Variants in ABCC9 observed in about 807,000 individuals in gnomAD.
ABCC9 encodes the protein ATP-binding cassette sub-family C member 9.
Under a neutral mutation model 188.3 loss-of-function variants are expected in ABCC9, and 95 were observed. The ratio of observed to expected loss-of-function variants is 0.50; its 90% confidence interval spans 0.43 to 0.60. The LOEUF (loss-of-function observed/expected upper bound fraction) is 0.60. Among genes scored for constraint, ABCC9 ranks in the 20% least tolerant of loss-of-function variants. The pLI, the probability that ABCC9 is intolerant of heterozygous loss-of-function variation, is 0.00. For synonymous variants in ABCC9, 659 were observed against 652.7 expected (o/e 1.01, Z -0.15); for missense variants, 1,102 against 1,876.3 (o/e 0.59, Z 7.62).
intron 29 of ABCC9, among the ~76,000 whole-genome samples, chr12:21,839,330 G>A (rs1309827043): frequency 6.6e-6 from 1 of 152,174 alleles, no homozygotes; most frequent in African/African-American, 2.4e-5. Flanking sequence ...GACTTGAAAA[G>A]TGACAGTGCT....
At chr12:21,846,531 A>G (rs533591686) in intron 25 of ABCC9, among the ~76,000 whole-genome samples, 1 of 152,284 alleles carries the variant, frequency 6.6e-6, no homozygotes, top group African/African-American at 2.4e-5. Context: ...TTCATACTAT[A>G]CTATATACAT....
intron 2 of ABCC9, among the ~76,000 whole-genome samples, chr12:21,937,860 C>G (rs1006011077): frequency 6.6e-6 from 1 of 152,148 alleles, no homozygotes; most frequent in African/African-American, 2.4e-5. Context: ...TACACAACCT[C>G]CAACCTGCTT....
At chr12:21,915,112 G>C (rs1328634563) in intron 7 of ABCC9, among the ~76,000 whole-genome samples, 3 of 151,218 alleles carry the variant, frequency 2.0e-5, no homozygotes, top group Non-Finnish European at 4.4e-5. Flanking sequence ...TGTTGGTCAG[G>C]CTGGTCTCAA....
At position 21,848,173 on chromosome 12, in the gene ABCC9, G is replaced by C; in HGVS notation, c.2843C>G (p.Ala948Gly). The change falls in exon 25 of 40, where the codon GCC becomes GGC. Residue 948 changes from alanine to glycine, a missense_variant. Transcript: ENST00000261200. ...ACCTTCGTCTTCGTCCTCCATCTGG[G>C]CTTTGGCTTCTCTTGAATACATGGC... ...RRAMYSREAK[A>G]QMEDEDEEEE... 1 of 1,613,530 alleles carries C rather than the reference G, an allele frequency of 6.2e-7. No individual in the cohort carries two copies. The highest frequency in any genetic ancestry group is 8.5e-7 in the Non-Finnish European group (1 of 1,179,606).
chr12:21,816,461 G>A (rs1942654081), intron 33 of ABCC9, among the ~76,000 whole-genome samples: 1 of 152,106 alleles, frequency 6.6e-6, no homozygotes, highest in African/African-American at 2.4e-5. Flanking sequence ...AACCTTGGAG[G>A]TCCAGGAGGG....
chr12:21,853,447 T>A (rs1945069747), intron 22 of ABCC9, among the ~76,000 whole-genome samples: 1 of 151,984 alleles, frequency 6.6e-6, no homozygotes, highest in Non-Finnish European at 1.5e-5. Flanking sequence ...GGGTATATAA[T>A]TTACATTGTT....
intron 4 of ABCC9, among the ~76,000 whole-genome samples, chr12:21,930,904 G>A (rs1180130229): frequency 6.6e-6 from 1 of 152,126 alleles, no homozygotes; most frequent in African/African-American, 2.4e-5. Context: ...ATATGTGGGG[G>A]AAAGATGTAT....
chr12:21,831,134 C>G (rs1943739214), intron 30 of ABCC9: 1 of 151,726 alleles, frequency 6.6e-6, no homozygotes, highest in Admixed American at 6.6e-5. Context: ...TCACTACAAC[C>G]TCTGCCTCCC....
In ABCC9 at chr12:21,868,414, C is replaced by T. The variant is rs150399626; in HGVS notation, c.2199-3937G>A. Among the ~76,000 whole-genome samples, 1,390 of 152,150 alleles carry T rather than the reference C, an allele frequency of 9.1e-3. 30 individuals are homozygous for T. Among genetic ancestry groups the T allele is most frequent in the African/African-American group, 0.032 (1,331 of 41,504 alleles). ...CAACACTTTGGGAGGCCGAGACAGGCGGATTATGAGGTCAGGAGATCGAGA... is the reference window on the plus strand; with the variant it reads ...CAACACTTTGGGAGGCCGAGACAGGTGGATTATGAGGTCAGGAGATCGAGA... On this transcript the variant is annotated intron_variant, in intron 18 of 39. Transcript: ENST00000261200.
chr12:21,896,655 C>T (rs1261316232), intron 12 of ABCC9, among the ~76,000 whole-genome samples: 5 of 152,102 alleles, frequency 3.3e-5, no homozygotes, highest in African/African-American at 1.2e-4. Flanking sequence ...TAGGTGAGAA[C>T]ATGTGGTGTT....
At chr12:21,905,237 C>T (rs531719541) in intron 12 of ABCC9, among the ~76,000 whole-genome samples, 1 of 151,810 alleles carries the variant, frequency 6.6e-6, no homozygotes, top group East Asian at 1.9e-4. Context: ...CACTTGGACC[C>T]CTCACATCAC....
chr12:21,843,132 A>T (rs958032000), intron 28 of ABCC9, among the ~76,000 whole-genome samples: 1 of 152,114 alleles, frequency 6.6e-6, no homozygotes, highest in Admixed American at 6.6e-5. Context: ...TCTTTGTCTT[A>T]CTGAGAAAGA....
intron 4 of ABCC9, among the ~76,000 whole-genome samples, chr12:21,930,158 T>C (rs1193643046): frequency 6.6e-6 from 1 of 152,166 alleles, no homozygotes; most frequent in Non-Finnish European, 1.5e-5. Flanking sequence ...GGACATGAAC[T>C]CATCCTTTTT....
intron 10 of ABCC9, 83 bp downstream of exon 10, chr12:21,910,074 C>G: frequency 7.5e-7 from 1 of 1,342,016 alleles, no homozygotes; most frequent in Non-Finnish European, 1.1e-6. Flanking sequence ...AACTATACAC[C>G]TTTTACAGAG....
At chr12:21,860,910 G>A (rs1945470472) in intron 21 of ABCC9, 61 bp downstream of exon 21, 1 of 1,291,674 alleles carries the variant, frequency 7.7e-7, no homozygotes. Flanking sequence ...AAAGATTAAA[G>A]ACAACCAGAA....
At chr12:21,829,284 C>T (rs1348547835) in intron 30 of ABCC9, among the ~76,000 whole-genome samples, 1 of 141,330 alleles carries the variant, frequency 7.1e-6, no homozygotes, top group African/African-American at 2.6e-5. Flanking sequence ...TCACTGCAAG[C>T]TCCGCCTCCC....
chr12:21,838,069 T>C lies in ABCC9; in HGVS notation c.3566+9A>G. On this transcript the variant is annotated intron_variant, in intron 30 of 39. Transcript: ENST00000261200. ...CCTAGTCAGCTAATATAAAAATGTG[T>C]TTACTCACCTAAAGGCCCGAATGGT... 6.2e-7 allele frequency: 1 copy of C among 1,602,174 alleles called. No homozygotes were observed.
intron 12 of ABCC9, among the ~76,000 whole-genome samples, chr12:21,902,196 C>T (rs370555293): frequency 7.2e-5 from 11 of 152,058 alleles, no homozygotes; most frequent in Admixed American, 3.3e-4. Context: ...CCTGAATGAC[C>T]ACTGGGTACA....
Position 21,842,507 on chromosome 12 carries a change from C to T in ABCC9, c.3316-36G>A, listed in dbSNP as rs747793102. The T allele has an allele frequency of 5.6e-6, 9 of 1,604,958 alleles. No individual in the cohort carries two copies. The Admixed American group carries it at 8.3e-5, about 15-fold the overall frequency. On this transcript the variant is annotated intron_variant, in intron 28 of 39. Coordinates refer to ENST00000261200, the MANE Select transcript of ABCC9 (RefSeq NM_020297.4). Reference sequence around the variant, plus strand: ...AGTTTAAAAGGAAAATATGATTAGCCCAGTGAAATATTGGCTGCAATGTAA... The same window carrying T: ...AGTTTAAAAGGAAAATATGATTAGCTCAGTGAAATATTGGCTGCAATGTAA...
Sources: gnomAD v4.1 joint callset for allele counts (sites outside exome capture counted in the v4.1 genomes callset) on GRCh38, gnomAD v4.1.1 for gene constraint, MANE v1.5 for transcripts, NCBI Gene and HGNC (gene_info 2026-07-23, HGNC 2026-07-21) for gene names.